The following ATP8A2 variants were observed in gnomAD, a reference collection of about 807,000 sequenced individuals.
The protein encoded by ATP8A2 is phospholipid-transporting ATPase IB.
ATP8A2 carries 100 observed loss-of-function variants against 165.6 expected under a neutral mutation model. That is an observed-to-expected ratio of 0.60 (90% CI 0.51 to 0.71). The LOEUF (loss-of-function observed/expected upper bound fraction) is 0.71, where lower values mean the gene tolerates loss of function less well. ATP8A2 is among the 30% of genes least tolerant of loss of function. The pLI, the probability that ATP8A2 is intolerant of heterozygous loss-of-function variation, is 0.00. For missense variants in ATP8A2, 1,227 were observed against 1,479.5 expected, an observed-to-expected ratio of 0.83 and a Z score of 2.80; for synonymous variants, 543 against 548.8, an observed-to-expected ratio of 0.99 and a Z score of 0.15.
At position 25,841,403 on chromosome 13, in the gene ATP8A2, G is replaced by A. The variant is rs116878763; in HGVS notation, c.2956+1779G>A. 4.0e-3 allele frequency among the ~76,000 whole-genome samples: 612 copies of A among 152,200 alleles called. 1 individual carries two copies. Among genetic ancestry groups the A allele is most frequent in the Non-Finnish European group, 7.2e-3 (489 of 68,014 alleles). On this transcript the variant is annotated intron_variant, in intron 30 of 36. Transcript: ENST00000381655. ...GTCATTATTTCATTGTATTTATTGA[G>A]CCTTCAGCATAGGGGTTTTCTTTGA...
At chr13:25,605,416 T>G (rs2040491056) in intron 24 of ATP8A2, among the ~76,000 whole-genome samples, 1 of 152,098 alleles carries the variant, frequency 6.6e-6, no homozygotes, top group Non-Finnish European at 1.5e-5. Context: ...CCCAATTCAT[T>G]TAATGTTGAA....
At chr13:25,466,524 C>T (rs1344747920) in intron 1 of ATP8A2, among the ~76,000 whole-genome samples, 1 of 152,166 alleles carries the variant, frequency 6.6e-6, no homozygotes, top group African/African-American at 2.4e-5. Flanking sequence ...ACCATGGTTA[C>T]ACCTTTATGC....
chr13:25,995,428 T>G (rs1956477453), intron 35 of ATP8A2, among the ~76,000 whole-genome samples: 1 of 151,686 alleles, frequency 6.6e-6, no homozygotes, highest in African/African-American at 2.4e-5. Context: ...TTTTTTAATA[T>G]ATAGATTAAC....
In ATP8A2 at chr13:25,639,443, G is replaced by T. The variant is rs192887166; in HGVS notation, c.2211+49744G>T. On this transcript the variant is annotated intron_variant, in intron 24 of 36. Transcript: ENST00000381655. ...CAAATGGAAAACAAGAAAAGGCAGG[G>T]GTTGCAATCCTAGTCTCTGATAAAA... Among the ~76,000 whole-genome samples, 407 of 152,190 alleles carry T rather than the reference G, an allele frequency of 2.7e-3. 4 individuals carry two copies. Among genetic ancestry groups the T allele is most frequent in the African/African-American group, 9.4e-3 (391 of 41,526 alleles).
At chr13:25,737,094 A>G (rs1043942579) in intron 25 of ATP8A2, among the ~76,000 whole-genome samples, 1 of 152,108 alleles carries the variant, frequency 6.6e-6, no homozygotes, top group Non-Finnish European at 1.5e-5. Flanking sequence ...TTAAGAGTGA[A>G]CAAGAGGCAA....
chr13:25,658,053 A>G (rs949628631), intron 24 of ATP8A2, among the ~76,000 whole-genome samples: 1 of 152,190 alleles, frequency 6.6e-6, no homozygotes. Context: ...ATTAAAAACT[A>G]GTAGAAAGAT....
intron 2 of ATP8A2, among the ~76,000 whole-genome samples, chr13:25,471,818 C>T (rs2035853646): frequency 6.6e-6 from 1 of 152,114 alleles, no homozygotes; most frequent in Non-Finnish European, 1.5e-5. Context: ...TGGGGATGTA[C>T]AGTGGGTTGG....
intron 24 of ATP8A2, among the ~76,000 whole-genome samples, chr13:25,597,946 A>G (rs1324776187): frequency 6.6e-6 from 1 of 151,430 alleles, no homozygotes; most frequent in Non-Finnish European, 1.5e-5. Context: ...TCTCTAAGAG[A>G]TATGTACTTA....
At position 25,791,542 on chromosome 13, in the gene ATP8A2, TAC is replaced by T. The variant is rs55661899; in HGVS notation, c.2679+16616_2679+16617del. On this transcript the variant is annotated intron_variant, in intron 27 of 36. Coordinates refer to ENST00000381655, the MANE Select transcript of ATP8A2 (RefSeq NM_016529.6). ...CCCCGAACTTAAACACACACACACATACACACACACACACACACACACACACA... is the reference window on the plus strand; with the variant it reads ...CCCCGAACTTAAACACACACACACATACACACACACACACACACACACACA... Among the ~76,000 whole-genome samples, 1,281 of 143,030 alleles carry T rather than the reference TAC, an allele frequency of 9.0e-3. 11 individuals carry two copies. The highest frequency in any genetic ancestry group is 0.025 in the African/African-American group (954 of 38,260). The allele number at this position is 143,030 out of a possible 152,430, so 93.8% of individuals were successfully genotyped here.
intron 8 of ATP8A2, among the ~76,000 whole-genome samples, chr13:25,541,274 T>A (rs2137990071): frequency 6.6e-6 from 1 of 152,310 alleles, no homozygotes; most frequent in South Asian, 2.1e-4. Flanking sequence ...ATCTTTCTTT[T>A]CTACTGTAGA....
chr13:25,701,572 G>T (rs924533590), intron 25 of ATP8A2, among the ~76,000 whole-genome samples: 2 of 152,110 alleles, frequency 1.3e-5, no homozygotes, highest in Non-Finnish European at 2.9e-5. Flanking sequence ...GAAAAGTCTG[G>T]TAAACTGTAA....
chr13:25,908,242 A>C lies in ATP8A2; in HGVS notation c.3183+45834A>C, dbSNP rs78953416. Among the ~76,000 whole-genome samples the C allele has an allele frequency of 2.9e-3, 435 of 152,214 alleles. 1 individual carries two copies. Among genetic ancestry groups the C allele is most frequent in the East Asian group, 0.014 (74 of 5,146 alleles). ...AGTTTTCTAATGCAGTGGTGTCAGT[A>C]GTTACCGTAAGTCAGCAGTCATTGT... On this transcript the variant is annotated intron_variant, in intron 33 of 36. Coordinates refer to ENST00000381655, the MANE Select transcript of ATP8A2 (RefSeq NM_016529.6).
intron 24 of ATP8A2, among the ~76,000 whole-genome samples, chr13:25,658,089 C>T (rs1243574373): frequency 6.6e-6 from 1 of 152,144 alleles, no homozygotes; most frequent in African/African-American, 2.4e-5. Context: ...AACTTGGCAC[C>T]AAGGCCACTG....
intron 33 of ATP8A2, among the ~76,000 whole-genome samples, chr13:25,923,400 C>T (rs924362606): frequency 6.6e-6 from 1 of 152,210 alleles, no homozygotes. Flanking sequence ...TGTAGAGGGC[C>T]AGGCTAAGTG....
chr13:25,883,199 C>A (rs1953037385), intron 33 of ATP8A2, among the ~76,000 whole-genome samples: 1 of 152,096 alleles, frequency 6.6e-6, no homozygotes, highest in South Asian at 2.1e-4. Context: ...CTCTAGCTCT[C>A]CCTCTCCAGT....
chr13:25,683,432 A>G (rs1176564908), intron 24 of ATP8A2, among the ~76,000 whole-genome samples: 2 of 152,144 alleles, frequency 1.3e-5, no homozygotes, highest in African/African-American at 4.8e-5. Flanking sequence ...GTGTAGTTTT[A>G]TGTGTGTGGA....
chr13:25,531,195 T>TA (rs2038032799), intron 4 of ATP8A2, among the ~76,000 whole-genome samples: 1 of 140,644 alleles, frequency 7.1e-6, no homozygotes, highest in Non-Finnish European at 1.5e-5. Flanking sequence ...GTTATATATG[T>TA]TATATATGAT....
intron 33 of ATP8A2, chr13:25,863,562 ATACTT>A (rs1190729523): frequency 6.6e-6 from 1 of 152,254 alleles, no homozygotes; most frequent in Non-Finnish European, 1.5e-5. Flanking sequence ...CCCAGGATAC[ATACTT>A]TAGGGCCAGG....
intron 33 of ATP8A2, chr13:25,871,185 C>A: frequency 2.4e-6 from 1 of 411,530 alleles, no homozygotes; most frequent in Admixed American, 3.1e-5. Context: ...TTTAAAATAT[C>A]TGTCAGCAAA....
Sources: allele counts gnomAD v4.1 joint callset (sites outside exome capture counted in the v4.1 genomes callset), GRCh38; gene constraint gnomAD v4.1.1; transcripts MANE v1.5; gene names NCBI Gene and HGNC (gene_info 2026-07-23, HGNC 2026-07-21).